Variants in THSD4 observed in about 807,000 individuals in gnomAD.
THSD4 encodes the protein thrombospondin type-1 domain-containing protein 4.
Under a neutral mutation model 119.0 loss-of-function variants are expected in THSD4, and 69 were observed. The ratio of observed to expected loss-of-function variants is 0.58; its 90% CI spans 0.48 to 0.71. The LOEUF (loss-of-function observed/expected upper bound fraction) is 0.71. THSD4 is among the 30% of genes least tolerant of loss of function. THSD4 has a pLI of 0.00. For missense variants in THSD4, 1,393 were observed against 1,391.1 expected (o/e 1.00, Z -0.02); for synonymous variants, 524 against 540.4 (o/e 0.97, Z 0.42).
intron 16 of THSD4, among the ~76,000 whole-genome samples, chr15:71,765,636 T>C (rs907791053): frequency 6.6e-5 from 10 of 152,312 alleles, no homozygotes; most frequent in African/African-American, 2.2e-4. Context: ...GGCGTGGTGG[T>C]TGACACCTGT....
intron 6 of THSD4, among the ~76,000 whole-genome samples, chr15:71,258,008 T>G (rs1378714404): frequency 1.3e-5 from 2 of 152,104 alleles, no homozygotes; most frequent in Non-Finnish European, 2.9e-5. Flanking sequence ...GTTCTGACCT[T>G]TTTCATTTTT....
intron 8 of THSD4, among the ~76,000 whole-genome samples, chr15:71,723,512 G>A (rs1009916301): frequency 5.3e-5 from 8 of 152,118 alleles, no homozygotes; most frequent in African/African-American, 9.7e-5. Flanking sequence ...CTTGTCTACT[G>A]TGTAAACATT....
chr15:71,221,875 T>A (rs192873496), intron 4 of THSD4, among the ~76,000 whole-genome samples: 2 of 152,290 alleles, frequency 1.3e-5, no homozygotes, highest in East Asian at 3.9e-4. Flanking sequence ...CCCACAACAG[T>A]GCACGAGGAT....
chr15:71,410,943 G>A (rs1427466632), intron 6 of THSD4, among the ~76,000 whole-genome samples: 1 of 152,174 alleles, frequency 6.6e-6, no homozygotes, highest in Non-Finnish European at 1.5e-5. Context: ...AGCTACTTGG[G>A]AGGCTGAGGC....
chr15:71,573,942 T>C (rs1466524131), intron 7 of THSD4, among the ~76,000 whole-genome samples: 1 of 152,222 alleles, frequency 6.6e-6, no homozygotes, highest in Non-Finnish European at 1.5e-5. Context: ...TGAAGGGCTT[T>C]TAATCTTTTT....
At chr15:71,741,873 C>T (rs2053242793) in intron 11 of THSD4, among the ~76,000 whole-genome samples, 1 of 152,238 alleles carries the variant, frequency 6.6e-6, no homozygotes, top group Non-Finnish European at 1.5e-5. Flanking sequence ...TCTCATCCCT[C>T]CCTTCTCTGG....
intron 7 of THSD4, among the ~76,000 whole-genome samples, chr15:71,561,910 A>T (rs995281057): frequency 3.5e-5 from 1 of 28,582 alleles, no homozygotes; most frequent in Non-Finnish European, 6.9e-5. Flanking sequence ...ACACACACAC[A>T]CACACACACA....
chr15:71,388,973 T>A (rs2046332297), intron 6 of THSD4, among the ~76,000 whole-genome samples: 1 of 151,970 alleles, frequency 6.6e-6, no homozygotes, highest in Non-Finnish European at 1.5e-5. Context: ...GATTTGATGG[T>A]TTTATAAGGG....
At chr15:71,342,671 C>T (rs1168534627) in intron 6 of THSD4, 10 of 152,402 alleles carry the variant, frequency 6.6e-5, no homozygotes, top group Admixed American at 2.6e-4. Flanking sequence ...CATGTTCGTC[C>T]TTGTTCTCCA....
At chr15:71,469,330 C>CCA (rs892148090) in intron 7 of THSD4, among the ~76,000 whole-genome samples, 3 of 152,190 alleles carry the variant, frequency 2.0e-5, no homozygotes, top group Admixed American at 6.5e-5. Flanking sequence ...GGACTGGTTT[C>CCA]CACACACACA....
chr15:71,608,239 T>TAC (rs1189502927), intron 7 of THSD4, among the ~76,000 whole-genome samples: 774 of 66,914 alleles, frequency 0.012, 8 homozygotes, highest in Middle Eastern at 0.038. Flanking sequence ...AAAAAAAAAA[T>TAC]ATATATATAT....
chr15:71,243,083 T>A lies in THSD4; in HGVS notation c.899T>A (p.Leu300Gln), dbSNP rs1567167208. 2 of 1,612,974 alleles carry A rather than the reference T, an allele frequency of 1.2e-6. No individual in the cohort carries two copies. The highest frequency in any genetic ancestry group is 4.5e-5 in the East Asian group (2 of 44,874). ...SCIGAYRQYK[L>Q]CNTNVCPESS... ...ATCGGGGCCTATCGGCAGTACAAGCTGTGCAACACCAACGTGAGTACACAC... is the reference window on the plus strand; with the variant it reads ...ATCGGGGCCTATCGGCAGTACAAGCAGTGCAACACCAACGTGAGTACACAC... The change falls in exon 5 of 18, where the codon CTG (leucine) becomes CAG (glutamine). Residue 300 changes from leucine (L) to glutamine (Q), a missense_variant. Physicochemically the swap from Leu to Gln is moderately radical, Grantham distance 113. Transcript: ENST00000261862.
chr15:71,130,731 C>A (rs768360818), intron 1 of THSD4, among the ~76,000 whole-genome samples: 2 of 152,112 alleles, frequency 1.3e-5, no homozygotes. Context: ...ACATATTATA[C>A]ACCTAATAAA....
rs1184457820 is a variant in THSD4 at position 71,332,891 on chromosome 15, C to CTTTTTTTTTTTTTTTTTTTTTTTTTTTTT, written c.1015+76176_1015+76177insTTTTTTTTTTTTTTTTTTTTTTTTTTTTT. 1.8e-4 allele frequency among the ~76,000 whole-genome samples: 7 copies of CTTTTTTTTTTTTTTTTTTTTTTTTTTTTT among 38,018 alleles called. 1 individual carries two copies. The highest frequency in any genetic ancestry group is 2.8e-4 in the Non-Finnish European group (5 of 17,658). The allele number at this position is 38,018 out of a possible 152,430, so 24.9% of individuals were successfully genotyped here. A position where few individuals can be genotyped will look rare whatever the true frequency, so the allele number is the denominator to read the frequency against. On this transcript the variant is annotated intron_variant, in intron 6 of 17. Transcript: ENST00000261862. The stretch of plus-strand genomic sequence containing the variant: ...TTCTTAAAACATTGAGATTTTTTTA[C>CTTTTTTTTTTTTTTTTTTTTTTTTTTTTT]ATTTTTTTTTTTTTTTTAGTTCATC...
chr15:71,435,407 A>G (rs2046999407), intron 7 of THSD4, among the ~76,000 whole-genome samples: 1 of 152,180 alleles, frequency 6.6e-6, no homozygotes, highest in South Asian at 2.1e-4. Context: ...TTTTTAGGCT[A>G]TCTTTCTTTT....
At chr15:71,608,366 A>C (rs1449943084) in intron 7 of THSD4, among the ~76,000 whole-genome samples, 6 of 151,844 alleles carry the variant, frequency 4.0e-5, no homozygotes, top group Non-Finnish European at 1.5e-5. Flanking sequence ...TTCTTTCTGG[A>C]TTATATAAAT....
chr15:71,601,311 A>C (rs950526429), intron 7 of THSD4, among the ~76,000 whole-genome samples: 1 of 152,188 alleles, frequency 6.6e-6, no homozygotes, highest in African/African-American at 2.4e-5. Context: ...GAATTGATGC[A>C]TTTATGAAAT....
intron 8 of THSD4, among the ~76,000 whole-genome samples, chr15:71,680,061 TTGAGA>T (rs1292267840): frequency 3.9e-5 from 6 of 152,172 alleles, no homozygotes; most frequent in African/African-American, 7.2e-5. Context: ...ACTTGGAAAC[TTGAGA>T]TGATCTGGAG....
chr15:71,254,226 C>T (rs1227403666), intron 5 of THSD4, among the ~76,000 whole-genome samples: 1 of 152,206 alleles, frequency 6.6e-6, no homozygotes, highest in East Asian at 1.9e-4. Flanking sequence ...GGCAGCCGAT[C>T]TCTAGTTCTG....
Sources: gnomAD v4.1 joint callset for allele counts (sites outside exome capture counted in the v4.1 genomes callset) on GRCh38, gnomAD v4.1.1 for gene constraint, MANE v1.5 for transcripts, NCBI Gene and HGNC (gene_info 2026-07-23, HGNC 2026-07-21) for gene names.